TLDC2: variants seen among roughly 807,000 people sequenced by gnomAD.
TLDC2 encodes TBC/LysM-associated domain containing 2, also known as TLD domain-containing protein 2.
Under a neutral mutation model 27.9 loss-of-function variants are expected in TLDC2, and 23 were observed. The observed-to-expected ratio is 0.82, with a 90% CI of 0.59 to 1.17. The LOEUF is 1.17. Ranked by LOEUF, TLDC2 falls within the 50% of genes most tolerant of loss-of-function variation. The pLI is 0.00. For synonymous variants in TLDC2, 124 were observed against 107.4 expected (o/e 1.16, Z -0.96); for missense variants, 286 against 273.4 (o/e 1.05, Z -0.32).
chr20:36,886,773 T>G (rs1989930495), intron 4 of TLDC2, among the ~76,000 whole-genome samples: 1 of 152,062 alleles, frequency 6.6e-6, no homozygotes, highest in Admixed American at 6.6e-5. Context: ...AAAAAATTGC[T>G]GGGATTACAG....
chr20:36,881,740 G>C (rs1253374833), intron 4 of TLDC2, among the ~76,000 whole-genome samples: 1 of 152,126 alleles, frequency 6.6e-6, no homozygotes, highest in South Asian at 2.1e-4. Context: ...GGAGAGAAGC[G>C]GGGGGCACTG....
At position 36,893,092 on chromosome 20, in the gene TLDC2, G is replaced by A. The variant is rs1238970744; in HGVS notation, c.*248G>A. 6.2e-7 allele frequency: 1 copy of A among 1,610,362 alleles called. No homozygotes were observed. The highest frequency in any genetic ancestry group is 8.5e-7 in the Non-Finnish European group (1 of 1,179,926). On this transcript the variant is annotated 3_prime_UTR_variant, in exon 7 of 7. Transcript: ENST00000217320. ...CTATTAGGAAGAGAGAGAAAAACAG[G>A]CAATAGAGAAAAGCCAGTTTCCATC...
chr20:36,877,343 T>C (rs1989693104), intron 1 of TLDC2, among the ~76,000 whole-genome samples: 1 of 143,156 alleles, frequency 7.0e-6, no homozygotes, highest in South Asian at 2.1e-4. Flanking sequence ...ATTGCACCTC[T>C]GAACTCCAGC....
chr20:36,884,445 C>CT (rs34026218), intron 4 of TLDC2, among the ~76,000 whole-genome samples: 14 of 152,122 alleles, frequency 9.2e-5, no homozygotes, highest in African/African-American at 3.4e-4. Flanking sequence ...GAAGCCTTCC[C>CT]TGACTACCTG....
rs147210399 is a variant in TLDC2 at position 36,887,678 on chromosome 20, C to T, written c.512+150C>T. 4.3e-4 allele frequency: 309 copies of T among 715,612 alleles called. No individual in the cohort carries two copies. The African/African-American group carries it at 4.5e-3, about 10-fold the overall frequency. 44.3% of individuals were successfully genotyped at this position (715,612 alleles called of 1,614,324 possible). On this transcript the variant is annotated intron_variant, in intron 5 of 6. Transcript: ENST00000217320. ...TCCCCTCATTGCTCAGCCTCCCAGC[C>T]AACCCCCTCAACCTCACGCTAAGCC...
At position 36,885,084 on chromosome 20, in the gene TLDC2, C is replaced by T. The variant is rs181514062; in HGVS notation, c.439-2371C>T. Among the ~76,000 whole-genome samples, 107 of 152,066 alleles carry T rather than the reference C, an allele frequency of 7.0e-4. 1 individual carries two copies. In the East Asian group the frequency reaches 0.019, roughly 27 times the overall value. ...TAGAGACAGGGTTTCACCACGTTGGCGAGGCTGGTCTTGAACTCCTGACCT... is the reference window on the plus strand; with the variant it reads ...TAGAGACAGGGTTTCACCACGTTGGTGAGGCTGGTCTTGAACTCCTGACCT... On this transcript the variant is annotated intron_variant, in intron 4 of 6. Coordinates refer to ENST00000217320, the MANE Select transcript of TLDC2 (RefSeq NM_080628.3).
intron 4 of TLDC2, among the ~76,000 whole-genome samples, chr20:36,886,578 C>G (rs975009281): frequency 6.6e-6 from 1 of 151,992 alleles, no homozygotes; most frequent in Non-Finnish European, 1.5e-5. Context: ...GGCAAAAGAG[C>G]GAGACTCTGT....
At chr20:36,876,955 C>T (rs1989683247) in intron 1 of TLDC2, among the ~76,000 whole-genome samples, 1 of 152,220 alleles carries the variant, frequency 6.6e-6, no homozygotes, top group African/African-American at 2.4e-5. Context: ...CAAGCCAACA[C>T]ACAATTCGCA....
chr20:36,879,944 C>G (rs6065410), intron 3 of TLDC2, among the ~76,000 whole-genome samples: 69,320 of 148,038 alleles, frequency 0.47, 17,996 homozygotes, highest in South Asian at 0.64. Context: ...GGAAACATAC[C>G]AAAATATTAA....
At chr20:36,879,884 T>G (rs1989761232) in intron 3 of TLDC2, among the ~76,000 whole-genome samples, 1 of 84,638 alleles carries the variant, frequency 1.2e-5, no homozygotes, top group Admixed American at 1.1e-4. Flanking sequence ...AAACCCTGTC[T>G]GAAAAAAAAA....
At chr20:36,884,796 T>TAAAA (rs2069316614) in intron 4 of TLDC2, among the ~76,000 whole-genome samples, 1 of 145,596 alleles carries the variant, frequency 6.9e-6, no homozygotes, top group African/African-American at 2.5e-5. Flanking sequence ...AATAAATAAA[T>TAAAA]AAAATGACAA....
chr20:36,893,998 T>C lies in TLDC2; in HGVS notation c.*1154T>C. 1 of 398,550 alleles carries C rather than the reference T, an allele frequency of 2.5e-6. No individual in the cohort carries two copies. The highest frequency in any genetic ancestry group is 4.4e-6 in the Non-Finnish European group (1 of 226,046). The allele number at this position is 398,550 out of a possible 1,614,324, so 24.7% of individuals were successfully genotyped here. ...CTACCTCCTCTGGCACGAGCGGCAG[T>C]GGCAGTGACTATTCTGTGGTTCTAG... On this transcript the variant is annotated 3_prime_UTR_variant, in exon 7 of 7. Coordinates refer to ENST00000217320, the MANE Select transcript of TLDC2 (RefSeq NM_080628.3).
intron 1 of TLDC2, among the ~76,000 whole-genome samples, chr20:36,876,829 T>C (rs940914894): frequency 6.6e-6 from 1 of 152,114 alleles, no homozygotes; most frequent in Admixed American, 6.6e-5. Flanking sequence ...TGAATAATGA[T>C]GCCCCTTATG....
intron 4 of TLDC2, among the ~76,000 whole-genome samples, chr20:36,885,176 C>T (rs1199013025): frequency 6.6e-6 from 1 of 152,142 alleles, no homozygotes; most frequent in Admixed American, 6.5e-5. Context: ...CGTGCCCGGC[C>T]AGAGAACTTC....
At position 36,893,119 on chromosome 20, in the gene TLDC2, T is replaced by C; in HGVS notation, c.*275T>C. ...AATAGAGAAAAGCCAGTTTCCATCA[T>C]CTTATTTCTGAGTGAAAGTCTCAAG... On this transcript the variant is annotated 3_prime_UTR_variant, in exon 7 of 7. Coordinates refer to ENST00000217320, the MANE Select transcript of TLDC2 (RefSeq NM_080628.3). The C allele has an allele frequency of 6.2e-7, 1 of 1,602,622 alleles. No individual in the cohort carries two copies. Among genetic ancestry groups the C allele is most frequent in the East Asian group, 2.2e-5 (1 of 44,858 alleles).
chr20:36,879,377 C>T (rs1989751043), intron 3 of TLDC2, among the ~76,000 whole-genome samples, 184 bp downstream of exon 3: 1 of 152,212 alleles, frequency 6.6e-6, no homozygotes, highest in African/African-American at 2.4e-5. Flanking sequence ...GCATTCAACA[C>T]ATCTACATGG....
intron 4 of TLDC2, among the ~76,000 whole-genome samples, chr20:36,883,559 G>C (rs769474412): frequency 5.3e-5 from 8 of 152,136 alleles, no homozygotes; most frequent in African/African-American, 1.7e-4. Flanking sequence ...CCGCTGCTGA[G>C]ACAGAAAATC....
Position 36,876,964 on chromosome 20 carries a change from CACAG to C in TLDC2, c.33+761_33+764del, listed in dbSNP as rs558847752. 4.8e-4 allele frequency among the ~76,000 whole-genome samples: 73 copies of C among 152,298 alleles called. 1 individual carries two copies. The highest frequency in any genetic ancestry group is 1.2e-3 in the South Asian group (6 of 4,824). On this transcript the variant is annotated intron_variant, in intron 1 of 6. Transcript: ENST00000217320. The stretch of plus-strand genomic sequence containing the variant: ...CTATTCCAAGCCAACACACAATTCG[CACAG>C]ACAAACACATTTTACATGAACCTAC...
At chr20:36,886,331 C>G (rs543136686) in intron 4 of TLDC2, among the ~76,000 whole-genome samples, 1 of 152,138 alleles carries the variant, frequency 6.6e-6, no homozygotes. Context: ...CGCAGTGGCT[C>G]GAGCCTGTAA....
Sources: allele counts gnomAD v4.1 joint callset (sites outside exome capture counted in the v4.1 genomes callset), GRCh38; gene constraint gnomAD v4.1.1; transcripts MANE v1.5; gene names NCBI Gene and HGNC (gene_info 2026-07-23, HGNC 2026-07-21).